Variants in SGK2 observed in about 807,000 individuals in gnomAD.
SGK2 encodes the protein serum/glucocorticoid regulated kinase 2.
Under a neutral mutation model 47.5 loss-of-function variants are expected in SGK2, and 36 were observed. The observed-to-expected ratio is 0.76, with a 90% CI of 0.58 to 1.00. The LOEUF is 1.00. Ranked by LOEUF, SGK2 falls within the 50% of genes least tolerant of loss-of-function variation. The pLI is 0.00. For synonymous variants in SGK2, 157 were observed against 181.9 expected, an observed-to-expected ratio of 0.86 and a Z score of 1.10; for missense variants, 404 against 467.4, an observed-to-expected ratio of 0.86 and a Z score of 1.25.
In SGK2 at chr20:43,579,919, A is replaced by C. The variant is rs1601000433; in HGVS notation, c.850-53A>C. 2.6e-6 allele frequency: 3 copies of C among 1,150,738 alleles called. No individual in the cohort carries two copies. In the East Asian group the frequency reaches 7.0e-5, roughly 27 times the overall value. The allele number at this position is 1,150,738 out of a possible 1,614,324, so 71.3% of individuals were successfully genotyped here. A position where few individuals can be genotyped will look rare whatever the true frequency, so the allele number is the denominator to read the frequency against. On this transcript the variant is annotated intron_variant, in intron 11 of 12. Coordinates refer to ENST00000373100, the MANE Select transcript of SGK2 (RefSeq NM_170693.3). Reference sequence around the variant, plus strand: ...GAGGATGTGGGGGTGAGGTGAGAGCACCCATGGGGAGGGCTACTTCTAACC... The same window carrying C: ...GAGGATGTGGGGGTGAGGTGAGAGCCCCCATGGGGAGGGCTACTTCTAACC...
At position 43,574,467 on chromosome 20, in the gene SGK2, A is replaced by G. The variant is rs1340377600; in HGVS notation, c.598-442A>G. ...AGTACTCCCGGGGCCTTCCGTTCCC[A>G]GGACACGGATAGCCAGTTGAATGCC... On this transcript the variant is annotated intron_variant, in intron 9 of 12. Transcript: ENST00000373100. Among the ~76,000 whole-genome samples, 8 of 152,324 alleles carry G rather than the reference A, an allele frequency of 5.3e-5. No homozygotes were observed. In the South Asian group the frequency reaches 1.0e-3, roughly 20 times the overall value.
chr20:43,577,072 G>A (rs569708193), intron 11 of SGK2, among the ~76,000 whole-genome samples: 3 of 152,216 alleles, frequency 2.0e-5, no homozygotes, highest in African/African-American at 7.2e-5. Context: ...AATAATGGGA[G>A]GGGGGGCAAA....
At chr20:43,566,638 A>G in intron 2 of SGK2, 107 bp downstream of exon 2, 1 of 761,462 alleles carries the variant, frequency 1.3e-6, no homozygotes, top group Non-Finnish European at 2.2e-6. Context: ...GGTTACTGCG[A>G]GCACATAGAA....
intron 3 of SGK2, 146 bp from the exon 4 acceptor site, chr20:43,567,519 G>T: frequency 1.4e-6 from 1 of 706,142 alleles, no homozygotes. Context: ...GAGAACATGG[G>T]GTTCTTCGGG....
intron 12 of SGK2, chr20:43,583,643 A>G: frequency 1.0e-6 from 1 of 982,380 alleles, no homozygotes; most frequent in Non-Finnish European, 1.2e-6. Flanking sequence ...CTTGGTGTAT[A>G]ACAAGCAACT....
chr20:43,570,778 A>G (rs1980058657), intron 7 of SGK2, 49 bp downstream of exon 7: 1 of 1,425,258 alleles, frequency 7.0e-7, no homozygotes, highest in African/African-American at 1.4e-5. Flanking sequence ...TTCTTGCTCC[A>G]ACAGCTAGGG....
At chr20:43,581,555 A>T (rs1339352706) in intron 12 of SGK2, among the ~76,000 whole-genome samples, 1 of 151,484 alleles carries the variant, frequency 6.6e-6, no homozygotes, top group East Asian at 1.9e-4. Flanking sequence ...TTTTTATTTT[A>T]TTTATTTATT....
At chr20:43,583,291 C>T in intron 12 of SGK2, 2 of 1,289,640 alleles carry the variant, frequency 1.6e-6, no homozygotes, top group Non-Finnish European at 2.0e-6. Flanking sequence ...ACATGGAATA[C>T]TAGGCAGAGA....
At chr20:43,581,297 T>C (rs1980782015) in intron 12 of SGK2, among the ~76,000 whole-genome samples, 1 of 152,174 alleles carries the variant, frequency 6.6e-6, no homozygotes, top group Non-Finnish European at 1.5e-5. Context: ...AATTTCCTCA[T>C]GTCATAAAAA....
intron 4 of SGK2, 43 bp from the exon 5 acceptor site, chr20:43,567,873 T>C: frequency 6.2e-7 from 1 of 1,600,880 alleles, no homozygotes; most frequent in Non-Finnish European, 8.6e-7. Context: ...TGTTGGGAAG[T>C]CCAAAGTCAC....
At chr20:43,578,355 G>C (rs774086792) in intron 11 of SGK2, among the ~76,000 whole-genome samples, 2 of 152,080 alleles carry the variant, frequency 1.3e-5, no homozygotes, top group Non-Finnish European at 2.9e-5. Context: ...TGTGGTGGTG[G>C]GTGCCTGTAA....
intron 2 of SGK2, 40 bp downstream of exon 2, chr20:43,566,571 A>C: frequency 1.1e-5 from 15 of 1,399,102 alleles, no homozygotes; most frequent in Non-Finnish European, 1.3e-5. Flanking sequence ...TCGGGGGCTC[A>C]CTTCTTCCCG....
At chr20:43,579,505 G>A (rs937385622) in intron 11 of SGK2, among the ~76,000 whole-genome samples, 2 of 152,130 alleles carry the variant, frequency 1.3e-5, no homozygotes, top group South Asian at 2.1e-4. Flanking sequence ...CTGGGTGTCT[G>A]GGAATCTGAA....
chr20:43,568,011 C>T lies in SGK2; in HGVS notation c.228+12C>T, dbSNP rs370853864. On this transcript the variant is annotated intron_variant, in intron 5 of 12. Transcript: ENST00000373100. Reference sequence around the variant, plus strand: ...TAAAGAAGAAAGAGGTACCAGAGCTCGGGCACAGGCATTTCTTCTTCTGCT... The same window carrying T: ...TAAAGAAGAAAGAGGTACCAGAGCTTGGGCACAGGCATTTCTTCTTCTGCT... 106 of 1,609,850 alleles carry T rather than the reference C, an allele frequency of 6.6e-5. No individual in the cohort carries two copies. The highest frequency in any genetic ancestry group is 7.8e-5 in the Non-Finnish European group (92 of 1,176,246).
intron 1 of SGK2, 126 bp from the exon 2 acceptor site, chr20:43,566,347 C>T: frequency 6.2e-7 from 1 of 1,613,306 alleles, no homozygotes; most frequent in South Asian, 1.1e-5. Context: ...GGTAGGAAAC[C>T]CTCAGGCGGT....
At chr20:43,561,909 C>T (rs1979409974) in intron 1 of SGK2, among the ~76,000 whole-genome samples, 1 of 152,052 alleles carries the variant, frequency 6.6e-6, no homozygotes, top group Non-Finnish European at 1.5e-5. Flanking sequence ...TGATGGTGAG[C>T]AGCAATGGTT....
At chr20:43,568,237 AAC>A (rs1179537521) in intron 5 of SGK2, among the ~76,000 whole-genome samples, 4 of 152,208 alleles carry the variant, frequency 2.6e-5, no homozygotes, top group African/African-American at 9.6e-5. Flanking sequence ...TCCCCTGGGA[AAC>A]ACAGGCTCCA....
chr20:43,563,912 G>A (rs1377854828), intron 1 of SGK2, among the ~76,000 whole-genome samples: 1 of 152,138 alleles, frequency 6.6e-6, no homozygotes, highest in Non-Finnish European at 1.5e-5. Context: ...CAGATCCTCC[G>A]CATTTCAGAA....
intron 12 of SGK2, among the ~76,000 whole-genome samples, chr20:43,581,096 C>G (rs928129354): frequency 6.6e-6 from 1 of 152,030 alleles, no homozygotes; most frequent in Non-Finnish European, 1.5e-5. Flanking sequence ...AGGATGGTCT[C>G]GATCTCCTGA....
Sources: gnomAD v4.1 joint callset for allele counts (sites outside exome capture counted in the v4.1 genomes callset) on GRCh38, gnomAD v4.1.1 for gene constraint, MANE v1.5 for transcripts, NCBI Gene and HGNC (gene_info 2026-07-23, HGNC 2026-07-21) for gene names.